The following RUNX1 variants were observed in gnomAD, a reference collection of about 807,000 sequenced individuals.
RUNX1 encodes RUNX family transcription factor 1.
In RUNX1, 19 loss-of-function variants were observed where a neutral mutation model predicts 42.8. The observed-to-expected ratio is 0.44, with a 90% CI of 0.31 to 0.65. The LOEUF (loss-of-function observed/expected upper bound fraction) is 0.65. RUNX1 is among the 30% of genes least tolerant of loss of function. The pLI is 0.07. For synonymous variants in RUNX1, 271 were observed against 289.4 expected (o/e 0.94, Z 0.64); for missense variants, 528 against 672.0 (o/e 0.79, Z 2.37).
intron 2 of RUNX1, among the ~76,000 whole-genome samples, chr21:34,941,228 C>A (rs2146632852): frequency 6.6e-6 from 1 of 152,316 alleles, no homozygotes; most frequent in African/African-American, 2.4e-5. Context: ...TCTGTGCCTC[C>A]AGGGTGCCTG....
At chr21:35,016,202 T>C (rs1483879493) in intron 2 of RUNX1, among the ~76,000 whole-genome samples, 3 of 152,220 alleles carry the variant, frequency 2.0e-5, no homozygotes, top group African/African-American at 7.2e-5. Context: ...TTTCCACTGC[T>C]GTTTCTCTGC....
chr21:34,893,969 T>C (rs1351005131), intron 2 of RUNX1, among the ~76,000 whole-genome samples: 1 of 151,952 alleles, frequency 6.6e-6, no homozygotes, highest in Non-Finnish European at 1.5e-5. Context: ...TAAATATGTA[T>C]AGTCTCAAAG....
intron 2 of RUNX1, among the ~76,000 whole-genome samples, chr21:34,924,964 G>T (rs1388388008): frequency 6.6e-6 from 1 of 150,692 alleles, no homozygotes; most frequent in Non-Finnish European, 1.5e-5. Flanking sequence ...TATTCATGAA[G>T]ATTTCATCAT....
intron 5 of RUNX1, among the ~76,000 whole-genome samples, chr21:34,878,953 T>G (rs538768467): frequency 6.6e-6 from 1 of 152,214 alleles, no homozygotes; most frequent in African/African-American, 2.4e-5. Flanking sequence ...AGATGCATAG[T>G]ATGATGATAA....
intron 2 of RUNX1, among the ~76,000 whole-genome samples, chr21:34,987,836 T>C (rs2058903698): frequency 6.6e-6 from 1 of 152,196 alleles, no homozygotes; most frequent in Non-Finnish European, 1.5e-5. Context: ...TGGAAAATGC[T>C]AGCTTCGTGT....
chr21:34,855,550 C>A (rs571436224), intron 6 of RUNX1, among the ~76,000 whole-genome samples: 7 of 152,200 alleles, frequency 4.6e-5, no homozygotes, highest in South Asian at 2.1e-4. Context: ...ACTAAAAATA[C>A]AAAAATTAGC....
intron 2 of RUNX1, among the ~76,000 whole-genome samples, chr21:34,902,104 C>T (rs1190715726): frequency 6.6e-6 from 1 of 152,180 alleles, no homozygotes; most frequent in Admixed American, 6.5e-5. Context: ...CCTCATGTCC[C>T]ACATGCTATC....
At chr21:34,813,972 A>G (rs2056791593) in intron 7 of RUNX1, among the ~76,000 whole-genome samples, 1 of 152,154 alleles carries the variant, frequency 6.6e-6, no homozygotes, top group Non-Finnish European at 1.5e-5. Flanking sequence ...TAACTACATG[A>G]TAGTTAGAAA....
intron 2 of RUNX1, among the ~76,000 whole-genome samples, chr21:34,894,129 C>T (rs373947334): frequency 2.6e-5 from 4 of 152,246 alleles, no homozygotes; most frequent in East Asian, 1.9e-4. Context: ...CCTGAAGTTA[C>T]GTCAGCTCAG....
At chr21:34,900,961 T>C (rs1368820485) in intron 2 of RUNX1, among the ~76,000 whole-genome samples, 2 of 152,202 alleles carry the variant, frequency 1.3e-5, no homozygotes, top group African/African-American at 2.4e-5. Context: ...ATATAGCATA[T>C]AAATTTTTCA....
chr21:34,821,189 A>C, intron 7 of RUNX1: 1 of 1,017,860 alleles, frequency 9.8e-7, no homozygotes, highest in African/African-American at 1.7e-5. Flanking sequence ...GAATTATCGC[A>C]GAGTAGCTGT....
At chr21:34,944,748 T>G (rs951685899) in intron 2 of RUNX1, among the ~76,000 whole-genome samples, 1 of 152,220 alleles carries the variant, frequency 6.6e-6, no homozygotes, top group African/African-American at 2.4e-5. Flanking sequence ...AGAATCATGT[T>G]GTGGCCATTA....
intron 6 of RUNX1, among the ~76,000 whole-genome samples, chr21:34,845,128 TG>T (rs879757658): frequency 1.3e-5 from 2 of 152,324 alleles, no homozygotes; most frequent in Admixed American, 6.5e-5. Flanking sequence ...GTTACCTGAA[TG>T]GGCAAGTGGC....
intron 2 of RUNX1, among the ~76,000 whole-genome samples, chr21:35,011,285 T>C (rs1381943802): frequency 6.6e-6 from 1 of 152,210 alleles, no homozygotes; most frequent in African/African-American, 2.4e-5. Flanking sequence ...GGCCTTTTCC[T>C]GATCCCAAGC....
At position 34,926,461 on chromosome 21, in the gene RUNX1, CAAAAAAAA is replaced by C. The variant is rs1188609077; in HGVS notation, c.59-33506_59-33499del. On this transcript the variant is annotated intron_variant, in intron 2 of 8. Transcript: ENST00000675419. ...TGGGCAACAGAGTGAGACCCAGTCT[CAAAAAAAA>C]AAAAAAAAAAAAAAAAGACAGCACA... Among the ~76,000 whole-genome samples the C allele has an allele frequency of 1.7e-3, 12 of 7,150 alleles. 1 individual carries two copies. The highest frequency in any genetic ancestry group is 2.9e-3 in the Admixed American group (1 of 346). 4.7% of individuals were successfully genotyped at this position (7,150 alleles called of 152,430 possible).
chr21:34,920,219 G>T (rs2058343437), intron 2 of RUNX1, among the ~76,000 whole-genome samples: 1 of 152,062 alleles, frequency 6.6e-6, no homozygotes, highest in Admixed American at 6.6e-5. Context: ...ACACTTTGAG[G>T]CTTTACTCCC....
At chr21:35,003,066 C>G (rs2059058142) in intron 2 of RUNX1, among the ~76,000 whole-genome samples, 2 of 152,224 alleles carry the variant, frequency 1.3e-5, no homozygotes, top group Non-Finnish European at 2.9e-5. Flanking sequence ...GTGAGTTCAT[C>G]TATTTCCTCC....
At chr21:35,031,205 G>A (rs985462983) in intron 2 of RUNX1, among the ~76,000 whole-genome samples, 5 of 152,158 alleles carry the variant, frequency 3.3e-5, no homozygotes, top group African/African-American at 1.2e-4. Context: ...AAAATTAGCT[G>A]GGCATGGTGG....
intron 7 of RUNX1, among the ~76,000 whole-genome samples, chr21:34,825,739 T>C (rs2056977591): frequency 6.6e-6 from 1 of 152,220 alleles, no homozygotes; most frequent in East Asian, 1.9e-4. Flanking sequence ...TGTGACCTTA[T>C]TTGGAAAAGG....
Sources: gnomAD v4.1 joint callset for allele counts (sites outside exome capture counted in the v4.1 genomes callset) on GRCh38, gnomAD v4.1.1 for gene constraint, MANE v1.5 for transcripts, NCBI Gene and HGNC (gene_info 2026-07-23, HGNC 2026-07-21) for gene names.